The following USP25 variants were observed in gnomAD, a reference collection of about 807,000 sequenced individuals.
USP25 encodes ubiquitin carboxyl-terminal hydrolase 25.
USP25 carries 85 observed loss-of-function variants against 158.5 expected under a neutral mutation model. The ratio of observed to expected loss-of-function variants is 0.54; its 90% CI spans 0.45 to 0.64. The LOEUF is 0.64. USP25 is among the 30% of genes least tolerant of loss of function. The pLI, the probability that USP25 is intolerant of heterozygous loss-of-function variation, is 0.00. For synonymous variants in USP25, 464 were observed against 460.4 expected (o/e 1.01, Z -0.10); for missense variants, 1,242 against 1,327.3 (o/e 0.94, Z 1.00).
rs2037552330 is a variant in USP25, at chr21:15,827,178, G to A, written c.1668G>A (p.Arg556=). 6.2e-7 allele frequency: 1 copy of A among 1,614,124 alleles called. No individual in the cohort carries two copies. The highest frequency in any genetic ancestry group is 8.5e-7 in the Non-Finnish European group (1 of 1,179,994). Residue 556 remains arginine (R), a synonymous_variant, in exon 14 of 26, where the codon AGG becomes AGA. Transcript: ENST00000400183. ...TGGAAAGTTGTTTACATCGCTGGAG[G>A]ACAGAAATAGAAAATGACACCAGAG... ...SVLESCLHRW[R]TEIENDTRDL...
At chr21:15,810,974 A>C (rs2056712544) in intron 8 of USP25, among the ~76,000 whole-genome samples, 163 bp from the exon 9 acceptor site, 2 of 152,356 alleles carry the variant, frequency 1.3e-5, no homozygotes, top group South Asian at 4.1e-4. Context: ...ATGGAAGAAT[A>C]AGTACCTTGT....
At chr21:15,806,564 T>C (rs1239858045) in intron 7 of USP25, among the ~76,000 whole-genome samples, 1 of 152,200 alleles carries the variant, frequency 6.6e-6, no homozygotes, top group Non-Finnish European at 1.5e-5. Context: ...GAGTTAGAGT[T>C]GAAATGGATA....
intron 17 of USP25, among the ~76,000 whole-genome samples, chr21:15,837,666 G>A (rs1401264111): frequency 6.6e-6 from 1 of 152,198 alleles, no homozygotes; most frequent in Non-Finnish European, 1.5e-5. Flanking sequence ...TATCCAAGAA[G>A]TATCTGAAGT....
chr21:15,868,019 G>A (rs917886280), intron 22 of USP25, among the ~76,000 whole-genome samples: 2 of 152,014 alleles, frequency 1.3e-5, no homozygotes, highest in Non-Finnish European at 2.9e-5. Flanking sequence ...AAAATGTTAC[G>A]GAAATGCAAA....
chr21:15,807,533 TG>T (rs546301291), intron 7 of USP25, among the ~76,000 whole-genome samples: 39 of 152,304 alleles, frequency 2.6e-4, no homozygotes, highest in Admixed American at 4.6e-4. Context: ...GTAAAGGTGT[TG>T]GCAGGGCCAC....
Position 15,818,855 on chromosome 21 carries a change from AACATTTTCATT to A in USP25, c.1080+10_1080+20del. On this transcript the variant is annotated intron_variant, in intron 10 of 25. Transcript: ENST00000400183. ...GAAAATCAGGCCAAGAGGTGAGTTT[AACATTTTCATT>A]GTCCCCTTTCTTCCCTAGGTCTTTC... is the stretch of plus-strand genomic sequence containing the variant. The A allele has an allele frequency of 6.2e-7, 1 of 1,613,184 alleles. No individual in the cohort carries two copies. The highest frequency in any genetic ancestry group is 8.5e-7 in the Non-Finnish European group (1 of 1,179,430).
At chr21:15,831,368 T>C (rs200061392) in intron 15 of USP25, 33 bp from the exon 16 acceptor site, 2 of 1,571,996 alleles carry the variant, frequency 1.3e-6, no homozygotes, top group East Asian at 2.2e-5. Flanking sequence ...AACTACATAA[T>C]TGCAGTTTAA....
intron 1 of USP25, among the ~76,000 whole-genome samples, chr21:15,732,918 T>C (rs561700874): frequency 9.1e-4 from 139 of 152,226 alleles, no homozygotes; most frequent in Middle Eastern, 3.4e-3. Flanking sequence ...CAGGGACTTA[T>C]GAGATGTAGT....
chr21:15,866,239 G>T, intron 21 of USP25, 27 bp from the exon 22 acceptor site: 2 of 1,508,244 alleles, frequency 1.3e-6, no homozygotes, highest in Non-Finnish European at 1.8e-6. Flanking sequence ...ATACACACAC[G>T]CTCATATGTA....
At chr21:15,831,981 G>A (rs769618559) in intron 16 of USP25, among the ~76,000 whole-genome samples, 2 of 152,136 alleles carry the variant, frequency 1.3e-5, no homozygotes, top group African/African-American at 2.4e-5. Context: ...TTGATCACCA[G>A]TGTTCCTTTT....
intron 17 of USP25, among the ~76,000 whole-genome samples, chr21:15,838,061 A>C (rs565425943): frequency 6.6e-6 from 1 of 151,854 alleles, no homozygotes. Context: ...TGAGTAGCTG[A>C]GACTACAGGC....
At chr21:15,833,841 G>C (rs1462880210) in intron 17 of USP25, among the ~76,000 whole-genome samples, 1 of 152,148 alleles carries the variant, frequency 6.6e-6, no homozygotes, top group Non-Finnish European at 1.5e-5. Flanking sequence ...AGCAGAGAAA[G>C]CTGTGAAATC....
chr21:15,803,485 A>C (rs1416207121), intron 6 of USP25, among the ~76,000 whole-genome samples: 3 of 151,826 alleles, frequency 2.0e-5, no homozygotes, highest in Non-Finnish European at 4.4e-5. Context: ...CCATATCAAC[A>C]GACTAAAGAA....
intron 1 of USP25, among the ~76,000 whole-genome samples, chr21:15,736,438 C>A (rs1367188401): frequency 1.3e-5 from 2 of 152,078 alleles, no homozygotes; most frequent in African/African-American, 2.4e-5. Flanking sequence ...TTTAACCATG[C>A]ACATGTGGTG....
chr21:15,837,765 A>C (rs1001557190), intron 17 of USP25, among the ~76,000 whole-genome samples: 2 of 152,114 alleles, frequency 1.3e-5, no homozygotes, highest in African/African-American at 4.8e-5. Context: ...AGGTTTTATA[A>C]ATTTCTCTAG....
rs1398840879 is a variant in USP25, at chr21:15,879,324, A to G, written c.*849A>G. On this transcript the variant is annotated 3_prime_UTR_variant, in exon 26 of 26. Transcript: ENST00000400183. ...AAATTTAAAAGAAATATTTATATAT[A>G]CACATATATACACATACACACATGT... The G allele has an allele frequency of 6.6e-6, 1 of 152,450 alleles. No individual in the cohort carries two copies. The highest frequency in any genetic ancestry group is 1.5e-5 in the Non-Finnish European group (1 of 67,964). 9.4% of individuals were successfully genotyped at this position (152,450 alleles called of 1,614,324 possible). A position where few individuals can be genotyped will look rare whatever the true frequency, so the allele number is the denominator to read the frequency against.
intron 1 of USP25, among the ~76,000 whole-genome samples, chr21:15,753,286 A>T (rs1280119375): frequency 6.6e-6 from 1 of 152,166 alleles, no homozygotes; most frequent in Non-Finnish European, 1.5e-5. Context: ...GTTCATCTGC[A>T]TGTTGCGAGG....
chr21:15,824,098 T>G lies in USP25; in HGVS notation c.1140T>G (p.Asn380Lys). 1 of 1,613,644 alleles carries G rather than the reference T, an allele frequency of 6.2e-7. No homozygotes were observed. The highest frequency in any genetic ancestry group is 1.1e-5 in the South Asian group (1 of 91,064). ...LTFELSRFEF[N>K]QALGRPEKIH... ...TTGAATTGTCAAGATTTGAATTTAA[T>G]CAGGCATTGGGAAGACCAGAAAAAA... Residue 380 changes from asparagine to lysine, a missense_variant, in exon 11 of 26, where the codon AAT (asparagine) becomes AAG (lysine). By Grantham distance (94) the Asn-to-Lys change is moderately conservative. Transcript: ENST00000400183.
chr21:15,863,814 A>G (rs886614765), intron 20 of USP25, among the ~76,000 whole-genome samples: 38 of 151,492 alleles, frequency 2.5e-4, no homozygotes, highest in Non-Finnish European at 4.1e-4. Context: ...AGGCGGGCGG[A>G]TTATGAGGTC....
Sources: allele counts gnomAD v4.1 joint callset (sites outside exome capture counted in the v4.1 genomes callset), GRCh38; gene constraint gnomAD v4.1.1; transcripts MANE v1.5; gene names NCBI Gene and HGNC (gene_info 2026-07-23, HGNC 2026-07-21).